LOXHD1: variants seen among roughly 807,000 people sequenced by gnomAD.
LOXHD1 encodes lipoxygenase homology PLAT domains 1.
A neutral mutation model predicts 248.2 loss-of-function variants in LOXHD1; 205 were observed. The observed-to-expected ratio is 0.83, with a 90% CI of 0.74 to 0.93. The LOEUF (loss-of-function observed/expected upper bound fraction) is 0.93. LOXHD1 is among the 40% of genes least tolerant of loss of function. The pLI is 0.00. For synonymous variants in LOXHD1, 1,113 were observed against 1,162.8 expected, an observed-to-expected ratio of 0.96 and a Z score of 0.87; for missense variants, 2,930 against 2,971.6, an observed-to-expected ratio of 0.99 and a Z score of 0.33.
At chr18:46,590,975 T>C (rs2038157158) in intron 12 of LOXHD1, among the ~76,000 whole-genome samples, 1 of 152,358 alleles carries the variant, frequency 6.6e-6, no homozygotes, top group East Asian at 1.9e-4. Flanking sequence ...TGATCTCTTT[T>C]TAGATACTTG....
At chr18:46,596,602 C>T (rs2038260047) in intron 8 of LOXHD1, among the ~76,000 whole-genome samples, 5 of 152,156 alleles carry the variant, frequency 3.3e-5, no homozygotes, top group Non-Finnish European at 7.4e-5. Flanking sequence ...AAAGAGAAGC[C>T]TACCTTTTTT....
At chr18:46,610,639 T>G in intron 6 of LOXHD1, 137 bp downstream of exon 6, 1 of 945,360 alleles carries the variant, frequency 1.1e-6, no homozygotes, top group Non-Finnish European at 1.5e-6. Context: ...ACAGAATGGC[T>G]GGCCATCTGG....
chr18:46,587,253 A>G (rs2038079659), intron 12 of LOXHD1, among the ~76,000 whole-genome samples: 2 of 152,244 alleles, frequency 1.3e-5, no homozygotes, highest in Admixed American at 1.3e-4. Context: ...ACGTATCAAC[A>G]GTGAGAGGAA....
intron 34 of LOXHD1, among the ~76,000 whole-genome samples, chr18:46,512,536 TTCTC>T (rs1171031071): frequency 2.0e-5 from 3 of 152,204 alleles, no homozygotes; most frequent in African/African-American, 7.2e-5. Flanking sequence ...GTAAAACTCT[TTCTC>T]TATTGCAATT....
At chr18:46,586,834 C>T (rs1165560347) in intron 12 of LOXHD1, among the ~76,000 whole-genome samples, 1 of 152,134 alleles carries the variant, frequency 6.6e-6, no homozygotes, top group Non-Finnish European at 1.5e-5. Context: ...GACAAATCAC[C>T]AAGAAGGTGA....
chr18:46,617,478 T>C (rs1479905160), intron 5 of LOXHD1, among the ~76,000 whole-genome samples: 2 of 152,130 alleles, frequency 1.3e-5, no homozygotes, highest in Non-Finnish European at 2.9e-5. Flanking sequence ...CATCTATTCA[T>C]AGTTAACACT....
In LOXHD1 at chr18:46,604,248, G is replaced by C; in HGVS notation, c.760-19C>G. ...TGACTATCTGGGAAGGAGAAGAGGGGACAAGGATGTAGATAAGTGTTGTTG... is the reference window on the plus strand; with the variant it reads ...TGACTATCTGGGAAGGAGAAGAGGGCACAAGGATGTAGATAAGTGTTGTTG... On this transcript the variant is annotated intron_variant, in intron 6 of 40. Transcript: ENST00000642948. 1.3e-6 allele frequency: 2 copies of C among 1,551,544 alleles called. No homozygotes were observed. The highest frequency in any genetic ancestry group is 4.9e-5 in the East Asian group (2 of 40,918).
At chr18:46,620,191 C>A (rs1253821749) in intron 4 of LOXHD1, among the ~76,000 whole-genome samples, 4 of 152,228 alleles carry the variant, frequency 2.6e-5, no homozygotes, top group Non-Finnish European at 4.4e-5. Flanking sequence ...GAGGCCGCCC[C>A]CCAGCCTTGA....
At chr18:46,479,236 ATGTGTGTGTGTGTG>A (rs10645069) in intron 40 of LOXHD1, among the ~76,000 whole-genome samples, 1 of 142,784 alleles carries the variant, frequency 7.0e-6, no homozygotes, top group African/African-American at 2.6e-5. Flanking sequence ...ATATATATGT[ATGTGTGTGTGTGTG>A]TGTGTGTGTG....
At chr18:46,655,250 C>T (rs1661309117) in intron 1 of LOXHD1, among the ~76,000 whole-genome samples, 1 of 152,186 alleles carries the variant, frequency 6.6e-6, no homozygotes, top group African/African-American at 2.4e-5. Context: ...GGGCCTCAGT[C>T]TTTAACTTGT....
chr18:46,627,325 C>A (rs541004693), intron 4 of LOXHD1, among the ~76,000 whole-genome samples: 2 of 152,252 alleles, frequency 1.3e-5, no homozygotes, highest in Admixed American at 1.3e-4. Context: ...GGTGGGAACA[C>A]TTTCTCTGAC....
intron 2 of LOXHD1, among the ~76,000 whole-genome samples, chr18:46,645,741 C>T (rs1318241704): frequency 6.6e-6 from 1 of 151,850 alleles, no homozygotes; most frequent in Non-Finnish European, 1.5e-5. Context: ...TACTGAAGTT[C>T]CTCTTGGAGA....
chr18:46,541,803 CT>C lies in LOXHD1; in HGVS notation c.3885del (p.Glu1296SerfsTer69). On this transcript the variant is annotated frameshift_variant, in exon 25 of 41. Coordinates refer to ENST00000642948, the MANE Select transcript of LOXHD1 (RefSeq NM_001384474.1). LOFTEE classifies it high-confidence loss of function. Reference sequence around the variant, plus strand: ...GGTGTGTACAGCCTCGTCTGAAGCTCTGCATGGAAGAGGTCTCTGATGATGG... The same window carrying C: ...GGTGTGTACAGCCTCGTCTGAAGCTCGCATGGAAGAGGTCTCTGATGATGG... The part of the protein sequence containing the change: ...DGSIIRDLFH[A>X]ELQTRLYTPF... 1 of 1,551,744 alleles carries C rather than the reference CT, an allele frequency of 6.4e-7. No individual in the cohort carries two copies. Among genetic ancestry groups the C allele is most frequent in the South Asian group, 1.2e-5 (1 of 84,068 alleles).
Position 46,477,368 on chromosome 18 carries a change from C to G in LOXHD1, c.*104G>C. ...TGAAGTTCTCAGTGGACTGCTAGCC[C>G]CCAGTGCCAATGCTAGAGGCTTTGA... On this transcript the variant is annotated 3_prime_UTR_variant, in exon 41 of 41. Coordinates refer to ENST00000642948, the MANE Select transcript of LOXHD1 (RefSeq NM_001384474.1). 6.8e-7 allele frequency: 1 copy of G among 1,475,266 alleles called. No homozygotes were observed. Among genetic ancestry groups the G allele is most frequent in the Non-Finnish European group, 9.2e-7 (1 of 1,086,406 alleles). The allele number at this position is 1,475,266 out of a possible 1,614,324, so 91.4% of individuals were successfully genotyped here.
intron 34 of LOXHD1, among the ~76,000 whole-genome samples, chr18:46,512,328 A>T (rs1325446577): frequency 1.3e-5 from 2 of 151,606 alleles, no homozygotes; most frequent in Admixed American, 1.3e-4. Context: ...CCCAGAAACG[A>T]CTCAGCATGC....
At chr18:46,542,980 G>T in intron 23 of LOXHD1, 125 bp from the exon 24 acceptor site, 1 of 1,347,850 alleles carries the variant, frequency 7.4e-7, no homozygotes. Flanking sequence ...TTTAGACTGT[G>T]CAATTATCAT....
intron 19 of LOXHD1, 31 bp downstream of exon 19, chr18:46,560,052 T>TGGCCCCCC: frequency 9.1e-6 from 4 of 441,130 alleles, no homozygotes; most frequent in African/African-American, 3.1e-5. Context: ...GGCCACTCCC[T>TGGCCCCCC]CCCCACCCCC....
In LOXHD1 at chr18:46,610,863, G is replaced by T; in HGVS notation, c.672C>A (p.Ile224=). The change falls in exon 6 of 41, where the codon ATC becomes ATA. Residue 224 remains isoleucine, a synonymous_variant. Transcript: ENST00000642948. ...NFEKGAEDRF[I]LDAPDLGQLM... is the part of the protein sequence containing the mutation. ...GCTGCCCCAAATCCGGGGCATCCAGGATGAACCTGTCTTCAGCTCCCTTTT... is the reference window on the plus strand; with the variant it reads ...GCTGCCCCAAATCCGGGGCATCCAGTATGAACCTGTCTTCAGCTCCCTTTT... 1 of 1,551,798 alleles carries T rather than the reference G, an allele frequency of 6.4e-7. No individual in the cohort carries two copies.
intron 34 of LOXHD1, among the ~76,000 whole-genome samples, chr18:46,517,599 T>C (rs542141623): frequency 5.3e-5 from 8 of 152,312 alleles, no homozygotes; most frequent in Non-Finnish European, 1.2e-4. Flanking sequence ...CAAGGACCCT[T>C]GTCTTCTTGG....
Sources: allele counts gnomAD v4.1 joint callset (sites outside exome capture counted in the v4.1 genomes callset), GRCh38; gene constraint gnomAD v4.1.1; transcripts MANE v1.5; gene names NCBI Gene and HGNC (gene_info 2026-07-23, HGNC 2026-07-21).